The following SH3RF3 variants were observed in gnomAD, a reference collection of about 807,000 sequenced individuals.
The protein encoded by SH3RF3 is SH3 domain containing ring finger 3.
In SH3RF3, 29 loss-of-function variants were observed where a neutral mutation model predicts 66.3. The ratio of observed to expected loss-of-function variants is 0.44; its 90% CI spans 0.33 to 0.60. The LOEUF (loss-of-function observed/expected upper bound fraction) is 0.60. Ranked by LOEUF, SH3RF3 falls within the 20% of genes least tolerant of loss-of-function variation. SH3RF3 has a pLI of 0.04. For missense variants in SH3RF3, 1,194 were observed against 1,190.9 expected (o/e 1.00, Z -0.04); for synonymous variants, 583 against 532.0 (o/e 1.10, Z -1.32).
intron 1 of SH3RF3, among the ~76,000 whole-genome samples, chr2:109,321,797 G>A (rs1387904233): frequency 1.3e-5 from 2 of 152,170 alleles, no homozygotes; most frequent in Admixed American, 6.5e-5. Context: ...TGTTCGCGAG[G>A]GATTGGTCAC....
chr2:109,391,261 C>G (rs1156771359), intron 3 of SH3RF3, among the ~76,000 whole-genome samples: 1 of 152,274 alleles, frequency 6.6e-6, no homozygotes, highest in Non-Finnish European at 1.5e-5. Context: ...CCTCAGCTTG[C>G]CAGCCCATTG....
At chr2:109,136,671 G>A (rs962912757) in intron 1 of SH3RF3, among the ~76,000 whole-genome samples, 1 of 152,174 alleles carries the variant, frequency 6.6e-6, no homozygotes, top group Admixed American at 6.5e-5. Context: ...TGGGTAGCAC[G>A]TGTTTACATT....
At chr2:109,487,878 G>A (rs896894002) in intron 8 of SH3RF3, among the ~76,000 whole-genome samples, 7 of 152,186 alleles carry the variant, frequency 4.6e-5, no homozygotes, top group Admixed American at 2.0e-4. Context: ...CGTGCTAGGC[G>A]CTGGTGGGGA....
chr2:109,284,678 T>C (rs1031361510), intron 1 of SH3RF3, among the ~76,000 whole-genome samples: 5 of 152,166 alleles, frequency 3.3e-5, no homozygotes, highest in African/African-American at 7.2e-5. Flanking sequence ...GCTTTAGTGA[T>C]TTTTTTGAGA....
chr2:109,140,180 C>T (rs902124942), intron 1 of SH3RF3, among the ~76,000 whole-genome samples: 1 of 152,172 alleles, frequency 6.6e-6, no homozygotes, highest in African/African-American at 2.4e-5. Flanking sequence ...CATTGATGCA[C>T]ATGGTTGGTG....
intron 3 of SH3RF3, among the ~76,000 whole-genome samples, chr2:109,374,288 C>T (rs1683336160): frequency 6.6e-6 from 1 of 152,266 alleles, no homozygotes; most frequent in Admixed American, 6.5e-5. Flanking sequence ...CCATGCAGTA[C>T]TGGGCTCCAC....
chr2:109,330,111 A>T (rs1682250196), intron 1 of SH3RF3, among the ~76,000 whole-genome samples: 1 of 152,366 alleles, frequency 6.6e-6, no homozygotes, highest in Non-Finnish European at 1.5e-5. Context: ...TAGCACGGGC[A>T]TGCATTTCCT....
intron 2 of SH3RF3, among the ~76,000 whole-genome samples, chr2:109,364,212 TC>T (rs1683112478): frequency 6.6e-6 from 1 of 152,036 alleles, no homozygotes; most frequent in African/African-American, 2.4e-5. Flanking sequence ...GGTGGAGGTT[TC>T]TATTGAGATA....
chr2:109,354,251 A>G (rs377647279), intron 2 of SH3RF3, among the ~76,000 whole-genome samples: 14 of 152,196 alleles, frequency 9.2e-5, no homozygotes, highest in African/African-American at 2.7e-4. Context: ...TGCCTGTGTC[A>G]GGCTGGGTCA....
Position 109,241,075 on chromosome 2 carries a change from G to A in SH3RF3, c.574-106599G>A, listed in dbSNP as rs181124289. 2.3e-3 allele frequency among the ~76,000 whole-genome samples: 354 copies of A among 152,236 alleles called. 2 individuals carry two copies. Among genetic ancestry groups the A allele is most frequent in the Non-Finnish European group, 4.0e-3 (273 of 68,034 alleles). On this transcript the variant is annotated intron_variant, in intron 1 of 9. Coordinates refer to ENST00000309415, the MANE Select transcript of SH3RF3 (RefSeq NM_001099289.3). ...TAAAAATATATGTTTAAAATAAGTG[G>A]CCTTAGTAGTAAGCTCTGAGAATGA...
chr2:109,130,406 C>T (rs374715011), intron 1 of SH3RF3, among the ~76,000 whole-genome samples: 22 of 152,246 alleles, frequency 1.4e-4, no homozygotes, highest in Middle Eastern at 3.2e-3. Context: ...TTAAACTTAG[C>T]ATCGCCCTTG....
intron 3 of SH3RF3, among the ~76,000 whole-genome samples, chr2:109,386,701 G>A (rs1478614989): frequency 6.6e-6 from 1 of 152,164 alleles, no homozygotes; most frequent in African/African-American, 2.4e-5. Context: ...TGTCAGTCCA[G>A]GTCTGTGTCC....
chr2:109,221,407 AC>A (rs1373172064), intron 1 of SH3RF3, among the ~76,000 whole-genome samples: 1 of 152,082 alleles, frequency 6.6e-6, no homozygotes, highest in Non-Finnish European at 1.5e-5. Flanking sequence ...ATATGGCAAA[AC>A]CCTGTCTCTA....
intron 1 of SH3RF3, among the ~76,000 whole-genome samples, chr2:109,261,917 G>A (rs138407830): frequency 6.6e-6 from 1 of 151,932 alleles, no homozygotes; most frequent in Non-Finnish European, 1.5e-5. Flanking sequence ...TGCATTCAGT[G>A]TGGTGTGTAT....
At chr2:109,422,579 T>G (rs1048493286) in intron 5 of SH3RF3, among the ~76,000 whole-genome samples, 1 of 148,106 alleles carries the variant, frequency 6.8e-6, no homozygotes, top group African/African-American at 2.5e-5. Flanking sequence ...ACGTCTCTCA[T>G]TCCTGCACCC....
chr2:109,274,326 T>TA (rs2105326425), intron 1 of SH3RF3, among the ~76,000 whole-genome samples: 1 of 152,176 alleles, frequency 6.6e-6, no homozygotes, highest in East Asian at 1.9e-4. Context: ...GTCAAACAAG[T>TA]ATACAAATGT....
At chr2:109,246,251 C>G (rs1382104704) in intron 1 of SH3RF3, among the ~76,000 whole-genome samples, 2 of 152,204 alleles carry the variant, frequency 1.3e-5, no homozygotes, top group African/African-American at 4.8e-5. Context: ...TCCCACAGTT[C>G]TAGACGCTGG....
At chr2:109,239,231 G>A (rs1222982397) in intron 1 of SH3RF3, among the ~76,000 whole-genome samples, 4 of 151,940 alleles carry the variant, frequency 2.6e-5, no homozygotes, top group Non-Finnish European at 5.9e-5. Flanking sequence ...CCGTAAATAC[G>A]GATGGCAAAC....
chr2:109,416,530 G>A (rs200728577), intron 4 of SH3RF3, among the ~76,000 whole-genome samples: 10 of 152,238 alleles, frequency 6.6e-5, no homozygotes, highest in African/African-American at 1.4e-4. Flanking sequence ...GATTACAGGC[G>A]TGCGCCATCA....
Sources: gnomAD v4.1 joint callset for allele counts (sites outside exome capture counted in the v4.1 genomes callset) on GRCh38, gnomAD v4.1.1 for gene constraint, MANE v1.5 for transcripts, NCBI Gene and HGNC (gene_info 2026-07-23, HGNC 2026-07-21) for gene names.